ABI2: variants seen among roughly 807,000 people sequenced by gnomAD.
ABI2 encodes the protein abelson interactor 2.
Under a neutral mutation model 59.2 loss-of-function variants are expected in ABI2, and 25 were observed. The observed-to-expected ratio is 0.42, with a 90% CI of 0.31 to 0.59. The LOEUF (loss-of-function observed/expected upper bound fraction) is 0.59, where lower values mean the gene tolerates loss of function less well. Ranked by LOEUF, ABI2 falls within the 20% of genes least tolerant of loss-of-function variation. The probability of loss-of-function intolerance (pLI) is 0.14; values close to 1 mark genes in which losing one functional copy is unlikely to be tolerated. For synonymous variants in ABI2, 213 were observed against 235.5 expected, an observed-to-expected ratio of 0.90 and a Z score of 0.87; for missense variants, 545 against 681.8, an observed-to-expected ratio of 0.80 and a Z score of 2.23.
chr2:203,425,449 G>A (rs1443043969), intron 11 of ABI2, among the ~76,000 whole-genome samples: 1 of 152,084 alleles, frequency 6.6e-6, no homozygotes, highest in East Asian at 1.9e-4. Flanking sequence ...CAGTCTGCCT[G>A]CCTTGGCCTC....
chr2:203,365,889 A>G (rs2094368937), intron 1 of ABI2, among the ~76,000 whole-genome samples: 1 of 151,966 alleles, frequency 6.6e-6, no homozygotes. Context: ...TCAGCCTCAC[A>G]AAGAGCTGGG....
rs748489372 is a variant in ABI2 at position 203,392,305 on chromosome 2, CCACCACCACCAACAA to C, written c.578+1165_578+1179del. Among the ~76,000 whole-genome samples, 704 of 97,944 alleles carry C rather than the reference CCACCACCACCAACAA, an allele frequency of 7.2e-3. 5 individuals carry two copies. Among genetic ancestry groups the C allele is most frequent in the Non-Finnish European group, 0.011 (496 of 44,290 alleles). 64.3% of individuals were successfully genotyped at this position (97,944 alleles called of 152,430 possible). A position where few individuals can be genotyped will look rare whatever the true frequency, so the allele number is the denominator to read the frequency against. ...ACCACCACCACCACCACCACCACCA[CCACCACCACCAACAA>C]CAACAACAACAACAACAACAACAAA... On this transcript the variant is annotated intron_variant, in intron 5 of 11. Transcript: ENST00000261018.
chr2:203,395,855 G>C, intron 7 of ABI2, 75 bp downstream of exon 7: 1 of 1,420,058 alleles, frequency 7.0e-7, no homozygotes, highest in South Asian at 1.7e-5. Context: ...ATTATGGTGG[G>C]CTTTCTTCGT....
intron 1 of ABI2, among the ~76,000 whole-genome samples, chr2:203,332,250 C>T (rs1238055608): frequency 6.6e-6 from 1 of 152,098 alleles, no homozygotes; most frequent in Non-Finnish European, 1.5e-5. Flanking sequence ...AATTTTATTT[C>T]TTGCCTATAC....
At chr2:203,368,988 T>A (rs74662196) in intron 2 of ABI2, among the ~76,000 whole-genome samples, 44,001 of 69,190 alleles carry the variant, frequency 0.64, 16,281 homozygotes, top group South Asian at 0.84. Context: ...TGGCTGATTT[T>A]TTTTTTTTTT....
At chr2:203,386,323 G>A (rs2096507986) in intron 4 of ABI2, among the ~76,000 whole-genome samples, 1 of 150,434 alleles carries the variant, frequency 6.6e-6, no homozygotes, top group South Asian at 2.1e-4. Context: ...GTCTTGCTCT[G>A]TTGCTCAGGC....
intron 4 of ABI2, among the ~76,000 whole-genome samples, chr2:203,388,649 C>G (rs1384827904): frequency 2.0e-5 from 3 of 152,022 alleles, no homozygotes; most frequent in Non-Finnish European, 4.4e-5. Context: ...CCATTGCACT[C>G]CAGCCTGGGT....
At chr2:203,339,535 T>G (rs1393328068) in intron 1 of ABI2, among the ~76,000 whole-genome samples, 1 of 146,568 alleles carries the variant, frequency 6.8e-6, no homozygotes, top group Non-Finnish European at 1.5e-5. Context: ...GAGCCGAGAT[T>G]GCGCCACTGC....
At chr2:203,367,316 C>A in intron 2 of ABI2, 2 of 208,930 alleles carry the variant, frequency 9.6e-6, no homozygotes, top group Non-Finnish European at 1.7e-5. Flanking sequence ...TTCATCCATT[C>A]CCCCGCCTTT....
At chr2:203,371,097 T>TTAC (rs1483773620) in intron 2 of ABI2, among the ~76,000 whole-genome samples, 1 of 152,222 alleles carries the variant, frequency 6.6e-6, no homozygotes, top group Non-Finnish European at 1.5e-5. Context: ...GTAGGACTGT[T>TTAC]TAGATAATTT....
chr2:203,398,204 T>G (rs181875960), intron 8 of ABI2, among the ~76,000 whole-genome samples: 4 of 152,238 alleles, frequency 2.6e-5, no homozygotes, highest in Admixed American at 2.0e-4. Flanking sequence ...AAAGAAAAGC[T>G]TTCTGCAGTA....
intron 1 of ABI2, among the ~76,000 whole-genome samples, chr2:203,343,202 A>G (rs926068709): frequency 6.6e-6 from 1 of 152,106 alleles, no homozygotes; most frequent in Non-Finnish European, 1.5e-5. Context: ...TGTCTCTACT[A>G]AAAATACAAA....
In ABI2 at chr2:203,373,359, A is replaced by C. The variant is rs567971431; in HGVS notation, c.285+6315A>C. 2.6e-5 allele frequency among the ~76,000 whole-genome samples: 4 copies of C among 152,356 alleles called. No individual in the cohort carries two copies. The East Asian group carries it at 7.7e-4, about 29-fold the overall frequency. The stretch of plus-strand genomic sequence containing the variant: ...GCGCCTGTAATCGCAGGCACTCGGC[A>C]GGCTGAGGCAGGAGAATCAGGCAGG... On this transcript the variant is annotated intron_variant, in intron 2 of 11. Coordinates refer to ENST00000261018, the MANE Select transcript of ABI2 (RefSeq NM_001375670.1).
chr2:203,395,846 T>C (rs906420748), intron 7 of ABI2, 66 bp downstream of exon 7: 108 of 1,470,002 alleles, frequency 7.3e-5, no homozygotes, highest in Non-Finnish European at 9.3e-5. Flanking sequence ...TGTGATTTAA[T>C]TATGGTGGGC....
intron 1 of ABI2, among the ~76,000 whole-genome samples, chr2:203,360,801 A>G (rs1370668034): frequency 6.6e-6 from 1 of 152,208 alleles, no homozygotes; most frequent in African/African-American, 2.4e-5. Flanking sequence ...CAAGATCAGG[A>G]AACTTCTGAG....
chr2:203,343,295 C>T (rs866202559), intron 1 of ABI2, among the ~76,000 whole-genome samples: 2 of 152,112 alleles, frequency 1.3e-5, no homozygotes, highest in African/African-American at 4.8e-5. Context: ...ACTCGGGAAG[C>T]GGAGGTTGCA....
rs750379504 is a variant in ABI2, at chr2:203,395,448, T to TATATACACACACACACAC, written c.726-207_726-206insTATACACACACACACACA. Among the ~76,000 whole-genome samples, 143 of 115,314 alleles carry TATATACACACACACACAC rather than the reference T, an allele frequency of 1.2e-3. 1 individual carries two copies. Among genetic ancestry groups the TATATACACACACACACAC allele is most frequent in the East Asian group, 2.4e-3 (10 of 4,172 alleles). 75.7% of individuals were successfully genotyped at this position (115,314 alleles called of 152,430 possible). A position where few individuals can be genotyped will look rare whatever the true frequency, so the allele number is the denominator to read the frequency against. ...TAATAAGTAAATATATATATATATA[T>TATATACACACACACACAC]ACACACACACACACACACACACACA... is the stretch of plus-strand genomic sequence containing the variant. On this transcript the variant is annotated intron_variant, in intron 6 of 11. Coordinates refer to ENST00000261018, the MANE Select transcript of ABI2 (RefSeq NM_001375670.1).
chr2:203,360,733 G>A (rs1341020182), intron 1 of ABI2, among the ~76,000 whole-genome samples: 1 of 152,198 alleles, frequency 6.6e-6, no homozygotes, highest in Non-Finnish European at 1.5e-5. Flanking sequence ...CCAGCATGCA[G>A]AAAAGAAGTT....
intron 11 of ABI2, among the ~76,000 whole-genome samples, chr2:203,423,062 T>G (rs186406901): frequency 9.2e-5 from 14 of 152,336 alleles, no homozygotes; most frequent in Admixed American, 3.9e-4. Context: ...TTAGGGTACT[T>G]AATTGTTAGG....
Sources: allele counts gnomAD v4.1 joint callset (sites outside exome capture counted in the v4.1 genomes callset), GRCh38; gene constraint gnomAD v4.1.1; transcripts MANE v1.5; gene names NCBI Gene and HGNC (gene_info 2026-07-23, HGNC 2026-07-21).